The following CHRM5 variants were observed in gnomAD, a reference collection of about 807,000 sequenced individuals.
CHRM5 encodes muscarinic acetylcholine receptor M5.
A neutral mutation model predicts 39.0 loss-of-function variants in CHRM5; 18 were observed. The observed-to-expected ratio is 0.46, with a 90% CI of 0.32 to 0.68. The LOEUF is 0.68. Among genes scored for constraint, CHRM5 ranks in the 30% least tolerant of loss-of-function variants. CHRM5 has a pLI of 0.04. For missense variants in CHRM5, 515 were observed against 651.1 expected, an observed-to-expected ratio of 0.79 and a Z score of 2.28; for synonymous variants, 241 against 246.3, an observed-to-expected ratio of 0.98 and a Z score of 0.20.
At chr15:34,040,417 G>A (rs758405451) in intron 1 of CHRM5, among the ~76,000 whole-genome samples, 3 of 152,174 alleles carry the variant, frequency 2.0e-5, no homozygotes, top group Non-Finnish European at 4.4e-5. Context: ...GAGTAGGGGC[G>A]CCTTCCAGAC....
At chr15:34,012,766 T>A (rs1051834615) in intron 1 of CHRM5, among the ~76,000 whole-genome samples, 1 of 152,188 alleles carries the variant, frequency 6.6e-6, no homozygotes. Flanking sequence ...AAGTAAAGCA[T>A]TACTGAACTA....
At chr15:34,054,383 G>A (rs1319019501) in intron 2 of CHRM5, among the ~76,000 whole-genome samples, 3 of 152,140 alleles carry the variant, frequency 2.0e-5, no homozygotes, top group Non-Finnish European at 4.4e-5. Context: ...GCATGTGTAT[G>A]TTCACTGCAG....
chr15:34,053,311 A>T (rs1214633635), intron 2 of CHRM5, among the ~76,000 whole-genome samples: 1 of 97,186 alleles, frequency 1.0e-5, no homozygotes, highest in African/African-American at 4.2e-5. Flanking sequence ...AAAAAAAAAA[A>T]AAAAAAAAAT....
intron 1 of CHRM5, among the ~76,000 whole-genome samples, chr15:33,988,316 T>C (rs113226274): frequency 2.2e-4 from 34 of 152,244 alleles, no homozygotes; most frequent in Admixed American, 6.5e-5. Flanking sequence ...AATTCCAACC[T>C]TGAAGCCAGG....
At position 34,062,730 on chromosome 15, in the gene CHRM5, T is replaced by G; in HGVS notation, c.13T>G (p.Ser5Ala). 1.2e-6 allele frequency: 2 copies of G among 1,610,070 alleles called. No individual in the cohort carries two copies. The highest frequency in any genetic ancestry group is 1.7e-6 in the Non-Finnish European group (2 of 1,177,406). The change falls in exon 3 of 3, where the codon TCT (serine) becomes GCT (alanine). Residue 5 changes from serine to alanine, a missense_variant. Physicochemically the swap from Ser to Ala is moderately conservative, Grantham distance 99. Coordinates refer to ENST00000383263, the MANE Select transcript of CHRM5 (RefSeq NM_012125.4). Reference protein sequence around the residue: MEGDSYHNATTVNGT... With the variant: MEGDAYHNATTVNGT... ...TTTTTGCACCAGGATGGAAGGGGAT[T>G]CTTACCACAATGCAACCACCGTCAA...
chr15:34,027,366 A>C (rs185788147), intron 1 of CHRM5, among the ~76,000 whole-genome samples: 5 of 152,064 alleles, frequency 3.3e-5, no homozygotes, highest in Admixed American at 3.3e-4. Flanking sequence ...AATACAAAAA[A>C]TAAAAATAAA....
chr15:34,030,122 C>T (rs1385693245), intron 1 of CHRM5, among the ~76,000 whole-genome samples: 1 of 151,980 alleles, frequency 6.6e-6, no homozygotes, highest in Non-Finnish European at 1.5e-5. Flanking sequence ...GGCATGGTGG[C>T]ACATGTCTGT....
intron 2 of CHRM5, among the ~76,000 whole-genome samples, chr15:34,048,156 G>GT (rs1386282841): frequency 6.6e-6 from 1 of 152,284 alleles, no homozygotes; most frequent in Admixed American, 6.5e-5. Flanking sequence ...GATTACAGGC[G>GT]TAAGCCACCA....
At chr15:33,990,597 C>T (rs1160170081) in intron 1 of CHRM5, 2 of 152,202 alleles carry the variant, frequency 1.3e-5, no homozygotes, top group Non-Finnish European at 2.9e-5. Context: ...TAAAAATAAA[C>T]AGTCCTTCAT....
At chr15:34,000,224 C>A (rs952267049) in intron 1 of CHRM5, among the ~76,000 whole-genome samples, 1 of 152,300 alleles carries the variant, frequency 6.6e-6, no homozygotes, top group South Asian at 2.1e-4. Context: ...GCAATTATAG[C>A]ATTTAACATT....
At chr15:34,044,822 G>A (rs1194826336) in intron 1 of CHRM5, among the ~76,000 whole-genome samples, 15 of 152,176 alleles carry the variant, frequency 9.9e-5, no homozygotes, top group African/African-American at 2.4e-4. Context: ...AGGCCGAGGC[G>A]GGAGGATCAT....
chr15:34,062,805 G>A lies in CHRM5; in HGVS notation c.88G>A (p.Val30Ile), dbSNP rs1388695811. 1 of 1,614,234 alleles carries A rather than the reference G, an allele frequency of 6.2e-7. No homozygotes were observed. The highest frequency in any genetic ancestry group is 1.7e-5 in the Admixed American group (1 of 60,032). Residue 30 changes from valine (V) to isoleucine (I), a missense_variant, in exon 3 of 3, where the codon GTC becomes ATC. Transcript: ENST00000383263. ...TTTGGAACGCCACAGGTTGTGGGAA[G>A]TCATCACCATTGCAGCTGTGACTGC... Reference protein sequence around the residue: ...QPLERHRLWEVITIAAVTAVV... With the variant: ...QPLERHRLWEIITIAAVTAVV...
Position 34,063,044 on chromosome 15 carries a change from G to A in CHRM5, c.327G>A (p.Leu109=). 2 of 1,614,192 alleles carry A rather than the reference G, an allele frequency of 1.2e-6. No homozygotes were observed. Among genetic ancestry groups the A allele is most frequent in the Non-Finnish European group, 1.7e-6 (2 of 1,180,036 alleles). The change falls in exon 3 of 3, where the codon CTG becomes CTA. Residue 109 remains leucine (L), a synonymous_variant. Transcript: ENST00000383263. This position sits in a 1 kb window ranked among gnomAD's most constrained non-coding sequence, Gnocchi z 4.1. ...TGGCTTGTGACCTTTGGCTTGCACTGGACTACGTGGCCAGCAACGCTTCTG... is the reference window on the plus strand; with the variant it reads ...TGGCTTGTGACCTTTGGCTTGCACTAGACTACGTGGCCAGCAACGCTTCTG... The part of the protein sequence containing the change: ...GSLACDLWLA[L]DYVASNASVM...
intron 1 of CHRM5, among the ~76,000 whole-genome samples, chr15:34,043,460 A>G (rs1567485933): frequency 6.6e-6 from 1 of 152,226 alleles, no homozygotes; most frequent in Non-Finnish European, 1.5e-5. Flanking sequence ...GCAAACTGGA[A>G]AACACATAAG....
rs1597396932 is a variant in CHRM5, at chr15:34,064,612, A to G, written c.*296A>G. The G allele has an allele frequency of 2.7e-6, 1 of 372,060 alleles. No homozygotes were observed. The allele number at this position is 372,060 out of a possible 1,614,324, so 23.0% of individuals were successfully genotyped here. On this transcript the variant is annotated 3_prime_UTR_variant, in exon 3 of 3. Transcript: ENST00000383263. ...ACAAGAGGAAGCACACTGGGTAACA[A>G]TGAACAGTGACTCAGGGAACTTATG... is the stretch of plus-strand genomic sequence containing the variant.
chr15:33,992,359 C>A (rs936583139), intron 1 of CHRM5, among the ~76,000 whole-genome samples: 2 of 151,714 alleles, frequency 1.3e-5, no homozygotes, highest in Non-Finnish European at 2.9e-5. Flanking sequence ...CACTGCACTC[C>A]AGCCTGCGCG....
At chr15:34,062,606 C>A in intron 2 of CHRM5, 37 bp from the exon 3 acceptor site, 1 of 838,464 alleles carries the variant, frequency 1.2e-6, no homozygotes, top group Non-Finnish European at 1.8e-6. Flanking sequence ...GAAAATCATG[C>A]TGGTGTGCGA....
At chr15:34,045,059 A>G (rs537691713) in intron 1 of CHRM5, among the ~76,000 whole-genome samples, 1 of 152,326 alleles carries the variant, frequency 6.6e-6, no homozygotes, top group Non-Finnish European at 1.5e-5. Context: ...AAAATTAGTA[A>G]TAATAATAAA....
intron 1 of CHRM5, among the ~76,000 whole-genome samples, chr15:34,013,257 TCA>T (rs1233653462): frequency 6.6e-6 from 1 of 152,298 alleles, no homozygotes; most frequent in East Asian, 1.9e-4. Flanking sequence ...AGGTGGGGTT[TCA>T]CCATGTTGGC....
Sources: allele counts gnomAD v4.1 joint callset (sites outside exome capture counted in the v4.1 genomes callset), GRCh38; gene constraint gnomAD v4.1.1; non-coding constraint Gnocchi (gnomAD v3.1); transcripts MANE v1.5; gene names NCBI Gene and HGNC (gene_info 2026-07-23, HGNC 2026-07-21).